Variants in STAB1 observed in about 807,000 individuals in gnomAD.
STAB1 encodes the protein stabilin 1.
STAB1 carries 250 observed loss-of-function variants against 332.4 expected under a neutral mutation model. The observed-to-expected ratio is 0.75, with a 90% CI of 0.68 to 0.84. The LOEUF (loss-of-function observed/expected upper bound fraction) is 0.84, where lower values mean the gene tolerates loss of function less well. Among genes scored for constraint, STAB1 ranks in the 40% least tolerant of loss-of-function variants. The probability of loss-of-function intolerance (pLI) is 0.00; values close to 1 mark genes in which losing one functional copy is unlikely to be tolerated. For synonymous variants in STAB1, 1,475 were observed against 1,390.4 expected, an observed-to-expected ratio of 1.06 and a Z score of -1.35; for missense variants, 3,249 against 3,489.7, an observed-to-expected ratio of 0.93 and a Z score of 1.74.
chr3:52,507,819 C>A, intron 19 of STAB1, 112 bp from the exon 20 acceptor site: 1 of 1,449,590 alleles, frequency 6.9e-7, no homozygotes, highest in Non-Finnish European at 9.6e-7. Flanking sequence ...CCCACTGGAC[C>A]AGGGTTAGAG....
Position 52,502,704 on chromosome 3 carries a change from A to G in STAB1, c.560A>G (p.Tyr187Cys). 1 of 1,613,712 alleles carries G rather than the reference A, an allele frequency of 6.2e-7. No individual in the cohort carries two copies. ...GDGSCLCFAG[Y>C]TGPHCDQELP... is the part of the protein sequence containing the mutation. ...GGAAGCTGCCTGTGCTTTGCTGGAT[A>G]CACTGGCCCCCACTGTGATCAAGGT... Residue 187 changes from tyrosine to cysteine, a missense_variant, in exon 6 of 69, where the codon TAC becomes TGC. Tyr to Cys is a radical substitution (Grantham distance 194, BLOSUM62 -2). Transcript: ENST00000321725.
In STAB1 at chr3:52,514,422, C is replaced by T; in HGVS notation, c.3604C>T (p.Leu1202=). The change falls in exon 34 of 69, where the codon CTG becomes TTG. Residue 1202 remains leucine (L), a synonymous_variant. Transcript: ENST00000321725. Reference sequence around the variant, plus strand: ...GGGGGAGGCCCTCTCCATGGAAACCCTGCGGAAGGGTGGACACCGCAACTC... The same window carrying T: ...GGGGGAGGCCCTCTCCATGGAAACCTTGCGGAAGGGTGGACACCGCAACTC... The part of the protein sequence containing the change: ...VLGEALSMET[L]RKGGHRNSLL... 6.4e-7 allele frequency: 1 copy of T among 1,555,822 alleles called. No homozygotes were observed. The highest frequency in any genetic ancestry group is 8.7e-7 in the Non-Finnish European group (1 of 1,150,460).
At chr3:52,498,213 C>G (rs917892189) in intron 1 of STAB1, among the ~76,000 whole-genome samples, 1 of 152,236 alleles carries the variant, frequency 6.6e-6, no homozygotes, top group Non-Finnish European at 1.5e-5. Flanking sequence ...TCAACTTCCC[C>G]CAGCAGCAGC....
intron 50 of STAB1, 145 bp from the exon 51 acceptor site, chr3:52,519,799 G>A: frequency 3.3e-6 from 4 of 1,200,234 alleles, no homozygotes; most frequent in East Asian, 2.6e-5. Context: ...GTTGAGATGT[G>A]TGCACACACA....
Position 52,509,064 on chromosome 3 carries a change from A to C in STAB1, c.2236-146A>C. 4.3e-6 allele frequency: 3 copies of C among 693,936 alleles called. No individual in the cohort carries two copies. The South Asian group carries it at 6.1e-5, about 14-fold the overall frequency. 43.0% of individuals were successfully genotyped at this position (693,936 alleles called of 1,614,324 possible). ...TTTTAGGGGCTAGGTCTTTGGCGGCATCAGTGATTTTGAAGATCCCTTCCA... is the reference window on the plus strand; with the variant it reads ...TTTTAGGGGCTAGGTCTTTGGCGGCCTCAGTGATTTTGAAGATCCCTTCCA... On this transcript the variant is annotated intron_variant, in intron 21 of 68. Coordinates refer to ENST00000321725, the MANE Select transcript of STAB1 (RefSeq NM_015136.3).
chr3:52,513,014 C>T, intron 29 of STAB1, 56 bp downstream of exon 29: 1 of 1,583,454 alleles, frequency 6.3e-7, no homozygotes, highest in Non-Finnish European at 8.6e-7. Flanking sequence ...CCCAGTCCCT[C>T]CCCAGCGAGT....
At position 52,504,561 on chromosome 3, in the gene STAB1, C is replaced by T. The variant is rs1032408759; in HGVS notation, c.1239+12C>T. ...CCAGGACCATGAATGTAAGCCCCTCCCCATGGTGGAGCTGGCCACTGGCCC... is the reference window on the plus strand; with the variant it reads ...CCAGGACCATGAATGTAAGCCCCTCTCCATGGTGGAGCTGGCCACTGGCCC... On this transcript the variant is annotated intron_variant, in intron 11 of 68. Coordinates refer to ENST00000321725, the MANE Select transcript of STAB1 (RefSeq NM_015136.3). The T allele has an allele frequency of 8.1e-6, 13 of 1,613,766 alleles. No individual in the cohort carries two copies. In the African/African-American group the frequency reaches 1.6e-4, roughly 20 times the overall value.
rs1387805523 is a variant in STAB1 at position 52,522,141 on chromosome 3, G to A, written c.6376G>A (p.Asp2126Asn). The A allele has an allele frequency of 1.9e-6, 3 of 1,612,786 alleles. No individual in the cohort carries two copies. The highest frequency in any genetic ancestry group is 2.5e-6 in the Non-Finnish European group (3 of 1,179,998). The change falls in exon 59 of 69, where the codon GAT becomes AAT. Residue 2126 changes from aspartate (D) to asparagine (N), a missense_variant. Asp to Asn is a conservative substitution (Grantham distance 23). Coordinates refer to ENST00000321725, the MANE Select transcript of STAB1 (RefSeq NM_015136.3). ...TACCTGCCTGCCCGACTACGAGGGTGATGGCTGGAGCTGCCGGGCCCGCAA... is the reference window on the plus strand; with the variant it reads ...TACCTGCCTGCCCGACTACGAGGGTAATGGCTGGAGCTGCCGGGCCCGCAA... Reference protein sequence around the residue: ...TCTCLPDYEGDGWSCRARNPC... With the variant: ...TCTCLPDYEGNGWSCRARNPC...
chr3:52,515,567 G>A, intron 37 of STAB1, 61 bp downstream of exon 37: 3 of 1,564,910 alleles, frequency 1.9e-6, no homozygotes, highest in South Asian at 2.2e-5. Context: ...AGTGGGTGGG[G>A]GCCCAGGGAG....
rs571593194 is a variant in STAB1, at chr3:52,503,290, G to C, written c.695-54G>C. 67 of 1,557,692 alleles carry C rather than the reference G, an allele frequency of 4.3e-5. No homozygotes were observed. In the South Asian group the frequency reaches 7.2e-4, roughly 17 times the overall value. On this transcript the variant is annotated intron_variant, in intron 7 of 68. Transcript: ENST00000321725. ...GGCCTTCCTGGTGAAAGCTGTGGCG[G>C]AGACAGGGCTCCTGGGTGCTTGGCT...
chr3:52,515,370 C>T, intron 36 of STAB1, 53 bp from the exon 37 acceptor site: 1 of 1,565,322 alleles, frequency 6.4e-7, no homozygotes, highest in Non-Finnish European at 8.8e-7. Flanking sequence ...CATTCACTGC[C>T]CTGCCCCTGC....
chr3:52,516,766 C>G lies in STAB1; in HGVS notation c.4361C>G (p.Ser1454Ter), dbSNP rs1447917166. ...TACTCCGGCAATGGCATCTTCTGTT[C>G]AGGTCCAGCCACACGGATGCCCAGG... Reference protein sequence around the residue: ...AGYSGNGIFCSEVDPCAHGHG... With the variant: ...AGYSGNGIFC Residue 1454 changes from serine (S) to a stop codon, truncating the protein, a stop_gained and splice_region_variant, in exon 41 of 69, where the codon TCA (serine) becomes TGA (stop). Transcript: ENST00000321725. LOFTEE classifies it high-confidence loss of function. The G allele has an allele frequency of 4.4e-6, 7 of 1,607,674 alleles. No homozygotes were observed. Among genetic ancestry groups the G allele is most frequent in the Middle Eastern group, 1.9e-4 (1 of 5,234 alleles).
At chr3:52,521,225 G>GC in intron 55 of STAB1, 136 bp from the exon 56 acceptor site, 1 of 1,320,388 alleles carries the variant, frequency 7.6e-7, no homozygotes, top group African/African-American at 1.4e-5. Context: ...TGTTCTCCAG[G>GC]ACATGGGCCT....
At position 52,521,669 on chromosome 3, in the gene STAB1, C is replaced by G. The variant is rs1028488299; in HGVS notation, c.6132C>G (p.Gly2044=). The G allele has an allele frequency of 3.1e-6, 5 of 1,613,038 alleles. No homozygotes were observed. The highest frequency in any genetic ancestry group is 3.4e-6 in the Non-Finnish European group (4 of 1,179,878). Residue 2044 remains glycine (G), a synonymous_variant, in exon 57 of 69, where the codon GGC becomes GGG. Transcript: ENST00000321725. ...GGSGSCFCDE[G]WTGPRCEVQL... ...CTGGCTCCTGCTTCTGTGATGAAGGCTGGACTGGGCCACGCTGTGAGGTGC... is the reference window on the plus strand; with the variant it reads ...CTGGCTCCTGCTTCTGTGATGAAGGGTGGACTGGGCCACGCTGTGAGGTGC...
chr3:52,512,666 G>T (rs977472967), intron 28 of STAB1, 23 bp downstream of exon 28: 1 of 1,613,358 alleles, frequency 6.2e-7, no homozygotes, highest in East Asian at 2.2e-5. Context: ...AGAATGCTGG[G>T]GTTGAGGGCT....
rs137973209 is a variant in STAB1, at chr3:52,516,104, G to C, written c.4010G>C (p.Gly1337Ala). The change falls in exon 38 of 69, where the codon GGG becomes GCG. Residue 1337 changes from glycine (G) to alanine (A), a missense_variant. Gly to Ala is a moderately conservative substitution (Grantham distance 60). Transcript: ENST00000321725. The stretch of plus-strand genomic sequence containing the variant: ...TGTGAGCCATGCCCAGGGGGTCTAG[G>C]GGGGGTGTGCTCAGGCCATGGGCAG... ...TLCEPCPGGL[G>A]GVCSGHGQCQ... 1.2e-6 allele frequency: 2 copies of C among 1,612,014 alleles called. No homozygotes were observed. The highest frequency in any genetic ancestry group is 1.3e-5 in the African/African-American group (1 of 74,888).
chr3:52,520,613 T>G, intron 53 of STAB1, 29 bp from the exon 54 acceptor site: 1 of 1,612,844 alleles, frequency 6.2e-7, no homozygotes. Flanking sequence ...TCCACCTGAC[T>G]TTGCTGTATT....
At chr3:52,519,002 C>A in intron 48 of STAB1, 133 bp downstream of exon 48, 1 of 1,169,832 alleles carries the variant, frequency 8.5e-7, no homozygotes. Context: ...CTGCTGAGTC[C>A]AGCCCGGGAC....
Position 52,514,729 on chromosome 3 carries a change from G to T in STAB1, c.3707G>T (p.Gly1236Val), listed in dbSNP as rs1319230415. 1.2e-6 allele frequency: 2 copies of T among 1,612,940 alleles called. No homozygotes were observed. The highest frequency in any genetic ancestry group is 2.2e-5 in the East Asian group (1 of 44,892). The change falls in exon 35 of 69, where the codon GGC becomes GTC. Residue 1236 changes from glycine (G) to valine (V), a missense_variant. Physicochemically the swap from Gly to Val is moderately radical, Grantham distance 109. Coordinates refer to ENST00000321725, the MANE Select transcript of STAB1 (RefSeq NM_015136.3). ...GAGGTGAACCATGTGCCACTGGAAG[G>T]CCCCATGCTGGAGGCCCCTGGCCGC... ...QPEVNHVPLE[G>V]PMLEAPGRSL...
Sources: gnomAD v4.1 joint callset for allele counts (sites outside exome capture counted in the v4.1 genomes callset) on GRCh38, gnomAD v4.1.1 for gene constraint, MANE v1.5 for transcripts, NCBI Gene and HGNC (gene_info 2026-07-23, HGNC 2026-07-21) for gene names.